WDR7: variants seen among roughly 807,000 people sequenced by gnomAD.
The protein encoded by WDR7 is WD repeat domain 7.
In WDR7, 46 loss-of-function variants were observed where a neutral mutation model predicts 169.4. The ratio of observed to expected loss-of-function variants is 0.27; its 90% CI spans 0.21 to 0.35. The LOEUF is 0.35. WDR7 is among the 10% of genes least tolerant of loss of function. WDR7 has a pLI of 1.00. For synonymous variants in WDR7, 612 were observed against 666.8 expected, an observed-to-expected ratio of 0.92 and a Z score of 1.27; for missense variants, 1,534 against 1,859.3, an observed-to-expected ratio of 0.83 and a Z score of 3.22.
chr18:56,721,701 T>G (rs371513944), intron 13 of WDR7: 1 of 152,246 alleles, frequency 6.6e-6, no homozygotes, highest in East Asian at 1.9e-4. Context: ...CACAGGCCTT[T>G]GACAAGGTCA....
chr18:56,883,209 CAA>C (rs767585796), intron 21 of WDR7, among the ~76,000 whole-genome samples: 6,161 of 55,212 alleles, frequency 0.11, 318 homozygotes, highest in African/African-American at 0.28. Context: ...GACTCCGTCT[CAA>C]AAAAAAAAAA....
At chr18:56,980,064 G>C (rs1348418011) in intron 26 of WDR7, among the ~76,000 whole-genome samples, 1 of 152,118 alleles carries the variant, frequency 6.6e-6, no homozygotes, top group Non-Finnish European at 1.5e-5. Context: ...TACCCACAAT[G>C]GCAATTACAC....
chr18:56,935,687 C>A (rs2046950457), intron 22 of WDR7, 101 bp from the exon 23 acceptor site: 3 of 1,075,380 alleles, frequency 2.8e-6, no homozygotes, highest in Middle Eastern at 2.9e-4. Context: ...TTTGAGTGCT[C>A]CCATTGACCT....
intron 20 of WDR7, among the ~76,000 whole-genome samples, chr18:56,862,382 CTCTT>C (rs2045819132): frequency 6.6e-6 from 1 of 151,324 alleles, no homozygotes; most frequent in South Asian, 2.1e-4. Flanking sequence ...GATAAACTCT[CTCTT>C]GTGTTTTTTA....
At chr18:56,896,846 AC>A (rs1192683211) in intron 21 of WDR7, among the ~76,000 whole-genome samples, 4 of 151,992 alleles carry the variant, frequency 2.6e-5, no homozygotes, top group African/African-American at 9.6e-5. Context: ...AAACTTACAA[AC>A]TTTTCTTCAT....
chr18:56,910,416 C>A (rs1248976346), intron 21 of WDR7, among the ~76,000 whole-genome samples: 1 of 152,124 alleles, frequency 6.6e-6, no homozygotes, highest in African/African-American at 2.4e-5. Flanking sequence ...ATGGTACTCT[C>A]CAATGTGGTC....
At chr18:56,742,626 A>C (rs927754951) in intron 14 of WDR7, among the ~76,000 whole-genome samples, 1 of 152,204 alleles carries the variant, frequency 6.6e-6, no homozygotes, top group Non-Finnish European at 1.5e-5. Flanking sequence ...CAGAAAATAC[A>C]CTCAGATAAA....
chr18:56,794,346 G>T (rs1368095610), intron 19 of WDR7, among the ~76,000 whole-genome samples: 1 of 78,068 alleles, frequency 1.3e-5, no homozygotes, highest in Admixed American at 2.1e-4. Context: ...GTCTCACTCT[G>T]TCGCCCAGGC....
chr18:56,847,422 G>C (rs2045583551), intron 20 of WDR7, among the ~76,000 whole-genome samples: 1 of 152,162 alleles, frequency 6.6e-6, no homozygotes, highest in African/African-American at 2.4e-5. Flanking sequence ...GAGTATAAAA[G>C]TTTGGAAAAT....
chr18:56,755,954 A>G (rs1002105493), intron 14 of WDR7, among the ~76,000 whole-genome samples: 2 of 152,300 alleles, frequency 1.3e-5, no homozygotes, highest in African/African-American at 4.8e-5. Context: ...GAAGAGAGGG[A>G]CTGAAGAATT....
At chr18:56,710,481 G>A (rs1343844660) in intron 12 of WDR7, among the ~76,000 whole-genome samples, 1 of 152,070 alleles carries the variant, frequency 6.6e-6, no homozygotes, top group Non-Finnish European at 1.5e-5. Flanking sequence ...CATTGTGTGA[G>A]CATACCATAT....
intron 16 of WDR7, among the ~76,000 whole-genome samples, chr18:56,767,495 C>T (rs1053224005): frequency 3.3e-5 from 5 of 152,174 alleles, no homozygotes; most frequent in East Asian, 3.9e-4. Context: ...ACAGGGCTCA[C>T]GTTGCTTGTC....
At chr18:56,808,106 A>G (rs980721987) in intron 19 of WDR7, among the ~76,000 whole-genome samples, 4 of 152,172 alleles carry the variant, frequency 2.6e-5, no homozygotes, top group Admixed American at 2.0e-4. Flanking sequence ...GTGGATCGAT[A>G]GAAGTGGTGT....
intron 21 of WDR7, among the ~76,000 whole-genome samples, chr18:56,907,981 C>T (rs7504388): frequency 1.9e-3 from 296 of 152,228 alleles, no homozygotes; most frequent in African/African-American, 6.8e-3. Context: ...TATCGATAAC[C>T]ATAACATCTG....
chr18:56,729,244 ATAT>A (rs1449026431), intron 13 of WDR7, among the ~76,000 whole-genome samples: 2 of 152,222 alleles, frequency 1.3e-5, no homozygotes. Context: ...AAAGAATATC[ATAT>A]TATTTTCAAA....
intron 26 of WDR7, among the ~76,000 whole-genome samples, chr18:56,999,096 G>A (rs543524324): frequency 2.0e-5 from 3 of 152,238 alleles, no homozygotes; most frequent in East Asian, 1.9e-4. Flanking sequence ...TCTTATATTC[G>A]CAAATATAGT....
intron 20 of WDR7, among the ~76,000 whole-genome samples, chr18:56,821,227 A>G (rs2045089406): frequency 6.6e-6 from 1 of 152,350 alleles, no homozygotes; most frequent in East Asian, 1.9e-4. Context: ...GAGAGCTGCC[A>G]TGGAAAGAAG....
intron 26 of WDR7, among the ~76,000 whole-genome samples, chr18:56,997,687 AT>A (rs898248043): frequency 2.0e-5 from 3 of 151,906 alleles, no homozygotes; most frequent in African/African-American, 4.8e-5. Flanking sequence ...TCATCTTGGG[AT>A]TTTTTTTGGC....
Position 56,779,859 on chromosome 18 carries a change from A to G in WDR7, c.3066+310A>G, listed in dbSNP as rs924640426. Among the ~76,000 whole-genome samples, 15 of 152,336 alleles carry G rather than the reference A, an allele frequency of 9.8e-5. No individual in the cohort carries two copies. The South Asian group carries it at 1.7e-3, about 17-fold the overall frequency. On this transcript the variant is annotated intron_variant, in intron 18 of 27. Coordinates refer to ENST00000254442, the MANE Select transcript of WDR7 (RefSeq NM_015285.3). The stretch of plus-strand genomic sequence containing the variant: ...CACACACTCATGCATAAACAAATAC[A>G]TAAACCTGCTTCCCCCAGAATTACA...
Sources: allele counts gnomAD v4.1 joint callset (sites outside exome capture counted in the v4.1 genomes callset), GRCh38; gene constraint gnomAD v4.1.1; transcripts MANE v1.5; gene names NCBI Gene and HGNC (gene_info 2026-07-23, HGNC 2026-07-21).